The following SEC24C variants were observed in gnomAD, a reference collection of about 807,000 sequenced individuals.
The protein encoded by SEC24C is SEC24 homolog C, COPII component, also known as protein transport protein Sec24C.
In SEC24C, 22 loss-of-function variants were observed where a neutral mutation model predicts 117.0. The ratio of observed to expected loss-of-function variants is 0.19; its 90% confidence interval spans 0.13 to 0.27. The LOEUF (loss-of-function observed/expected upper bound fraction) is 0.27, where lower values mean the gene tolerates loss of function less well. SEC24C is among the 10% of genes least tolerant of loss of function. SEC24C has a pLI of 1.00. For missense variants in SEC24C, 1,155 were observed against 1,375.1 expected, an observed-to-expected ratio of 0.84 and a Z score of 2.53; for synonymous variants, 506 against 529.4, an observed-to-expected ratio of 0.96 and a Z score of 0.61.
rs1454474743 is a variant in SEC24C, at chr10:73,766,838, A to G, written c.1878A>G (p.Gly626=). The G allele has an allele frequency of 1.9e-6, 3 of 1,613,952 alleles. No individual in the cohort carries two copies. The highest frequency in any genetic ancestry group is 4.5e-5 in the East Asian group (2 of 44,896). ...ETVFVPVIQA[G]MEALKAAECA... is the part of the protein sequence containing the mutation. ...TATTTGTACCAGTTATCCAGGCTGG[A>G]ATGGAGGCTCTGAAGGTAAGGCTGG... The change falls in exon 13 of 23, where the codon GGA becomes GGG. Residue 626 remains glycine (G), a synonymous_variant. Transcript: ENST00000345254.
At chr10:73,763,283 G>T (rs1328586657) in intron 6 of SEC24C, among the ~76,000 whole-genome samples, 1 of 152,230 alleles carries the variant, frequency 6.6e-6, no homozygotes, top group Non-Finnish European at 1.5e-5. Flanking sequence ...AGGCTGCTGG[G>T]AGTGAAAGAT....
At chr10:73,770,832 T>C in intron 22 of SEC24C, 34 bp downstream of exon 22, 1 of 1,612,970 alleles carries the variant, frequency 6.2e-7, no homozygotes, top group South Asian at 1.1e-5. Flanking sequence ...TTTCTTACCT[T>C]GTCAAGTCCT....
At position 73,763,585 on chromosome 10, in the gene SEC24C, C is replaced by G; in HGVS notation, c.1083C>G (p.Phe361Leu). ...GQVPPLVTTNFLVKDQGNASP... is the reference protein window; with the variant it reads ...GQVPPLVTTNLLVKDQGNASP... The stretch of plus-strand genomic sequence containing the variant: ...TGCCACCCTTAGTCACTACCAACTT[C>G]CTGGTGAAAGACCAAGGTGAGAATG... The change falls in exon 7 of 23, where the codon TTC (phenylalanine) becomes TTG (leucine). Residue 361 changes from phenylalanine to leucine, a missense_variant. Phe to Leu is a conservative substitution (Grantham distance 22). Transcript: ENST00000345254. 1 of 1,586,552 alleles carries G rather than the reference C, an allele frequency of 6.3e-7. No individual in the cohort carries two copies. Among genetic ancestry groups the G allele is most frequent in the East Asian group, 2.3e-5 (1 of 44,012 alleles).
Position 73,765,586 on chromosome 10 carries a change from G to A in SEC24C, c.1363G>A (p.Asp455Asn), listed in dbSNP as rs1213232315. The A allele has an allele frequency of 1.9e-6, 3 of 1,613,596 alleles. No individual in the cohort carries two copies. The highest frequency in any genetic ancestry group is 2.5e-6 in the Non-Finnish European group (3 of 1,179,480). ...GTGCTGTTTTTGCAGCTGTATCAATGATGGTATGTTCATGGAAGCTGGGAT... is the reference window on the plus strand; with the variant it reads ...GTGCTGTTTTTGCAGCTGTATCAATAATGGTATGTTCATGGAAGCTGGGAT... ...FQCCFCSCIN[D>N]VPPQYFQHLD... Residue 455 changes from aspartate (D) to asparagine (N), a missense_variant, in exon 9 of 23, where the codon GAT becomes AAT. Asp to Asn is a conservative substitution (Grantham distance 23). Transcript: ENST00000345254.
rs946867675 is a variant in SEC24C at position 73,771,980 on chromosome 10, G to A, written c.*885G>A. ...CTTGGGCTTTGGTATTGACTGAGTG[G>A]CTGACAGTTATCTTCCAACCCCAAC... is the stretch of plus-strand genomic sequence containing the variant. On this transcript the variant is annotated 3_prime_UTR_variant, in exon 23 of 23. Coordinates refer to ENST00000345254, the MANE Select transcript of SEC24C (RefSeq NM_198597.3). 10 of 231,466 alleles carry A rather than the reference G, an allele frequency of 4.3e-5. No individual in the cohort carries two copies. The highest frequency in any genetic ancestry group is 2.3e-4 in the Admixed American group (4 of 17,422). 14.3% of individuals were successfully genotyped at this position (231,466 alleles called of 1,614,324 possible). A position where few individuals can be genotyped will look rare whatever the true frequency, so the allele number is the denominator to read the frequency against.
rs966286778 is a variant in SEC24C at position 73,769,229 on chromosome 10, A to G, written c.2424+77A>G. ...AGAAGAGGGTGAGGAATGGGTAGAG[A>G]GCACTAAAAGAAGAGACAGGGCACG... On this transcript the variant is annotated intron_variant, in intron 17 of 22. Transcript: ENST00000345254. This position sits in a 1 kb window ranked among gnomAD's most constrained non-coding sequence, Gnocchi z 4.5. 5.0e-6 allele frequency: 8 copies of G among 1,591,856 alleles called. No individual in the cohort carries two copies. In the African/African-American group the frequency reaches 9.4e-5, roughly 19 times the overall value.
In SEC24C at chr10:73,768,326, G is replaced by A. The variant is rs372902463; in HGVS notation, c.2181+319G>A. ...CGGGAGGTGGAGGTTGTGGTGAGCCGAGATTGCGCCACTGCACTCCAGCCA... is the reference window on the plus strand; with the variant it reads ...CGGGAGGTGGAGGTTGTGGTGAGCCAAGATTGCGCCACTGCACTCCAGCCA... On this transcript the variant is annotated intron_variant, in intron 15 of 22. Coordinates refer to ENST00000345254, the MANE Select transcript of SEC24C (RefSeq NM_198597.3). 2.4e-4 allele frequency among the ~76,000 whole-genome samples: 36 copies of A among 152,264 alleles called. No individual in the cohort carries two copies. The East Asian group carries it at 2.5e-3, about 11-fold the overall frequency.
chr10:73,764,385 G>A (rs2082847618), intron 8 of SEC24C, among the ~76,000 whole-genome samples: 1 of 152,102 alleles, frequency 6.6e-6, no homozygotes. Flanking sequence ...TTAGCCGGGC[G>A]TGGTGGCGGG....
chr10:73,746,297 G>T (rs1202437389), intron 1 of SEC24C, among the ~76,000 whole-genome samples: 2 of 151,740 alleles, frequency 1.3e-5, no homozygotes, highest in African/African-American at 4.8e-5. Context: ...CCTAAATTTT[G>T]TCATTGAGGG....
intron 1 of SEC24C, among the ~76,000 whole-genome samples, chr10:73,745,891 G>A (rs1336351985): frequency 6.6e-6 from 1 of 152,004 alleles, no homozygotes; most frequent in Non-Finnish European, 1.5e-5. Context: ...GCCGGGCGTG[G>A]TGGCTCACAC....
intron 3 of SEC24C, among the ~76,000 whole-genome samples, chr10:73,758,616 A>G (rs1472034305): frequency 6.6e-6 from 1 of 152,236 alleles, no homozygotes. Context: ...CTGTCTCTAA[A>G]GATTTCCCTA....
intron 3 of SEC24C, among the ~76,000 whole-genome samples, chr10:73,758,189 C>T (rs994119438): frequency 4.7e-5 from 7 of 150,374 alleles, no homozygotes; most frequent in Admixed American, 2.0e-4. Context: ...GGGCCAAGAT[C>T]GCACCACTGC....
Position 73,769,932 on chromosome 10 carries a change from G to T in SEC24C, c.2779G>T (p.Asp927Tyr). ...LQPGAEVTTD[D>Y]RAYVRQLVTS... ...GCCTGGAGCTGAAGTCACTACTGAT[G>T]ACCGTGCCTATGTCCGACAGCTAGT... Residue 927 changes from aspartate to tyrosine, a missense_variant, in exon 20 of 23, where the codon GAC becomes TAC. Asp to Tyr is a radical substitution (Grantham distance 160). Transcript: ENST00000345254. The surrounding 1 kb of genome is among the most constrained non-coding windows in gnomAD (Gnocchi z 4.5). 1 of 1,614,136 alleles carries T rather than the reference G, an allele frequency of 6.2e-7. No homozygotes were observed. Among genetic ancestry groups the T allele is most frequent in the South Asian group, 1.1e-5 (1 of 91,066 alleles).
At position 73,769,121 on chromosome 10, in the gene SEC24C, G is replaced by A. The variant is rs748292596; in HGVS notation, c.2393G>A (p.Arg798Gln). Reference protein sequence around the residue: ...TVTVEFKHDDRLNEESGALLQ... With the variant: ...TVTVEFKHDDQLNEESGALLQ... ...ACTGTGGAGTTCAAGCATGACGATC[G>A]GCTCAATGAAGAGAGCGGAGCTCTC... Residue 798 changes from arginine (R) to glutamine (Q), a missense_variant, in exon 17 of 23, where the codon CGG becomes CAG. By Grantham distance (43) the Arg-to-Gln change is conservative. This residue lies in a region of SEC24C where 759 missense variants were observed against 992.3 expected (regional missense o/e 0.76). Transcript: ENST00000345254. This position sits in a 1 kb window ranked among gnomAD's most constrained non-coding sequence, Gnocchi z 4.5. The A allele has an allele frequency of 4.8e-5, 78 of 1,614,048 alleles. No homozygotes were observed. The highest frequency in any genetic ancestry group is 6.3e-5 in the Non-Finnish European group (74 of 1,180,020).
intron 3 of SEC24C, among the ~76,000 whole-genome samples, chr10:73,758,851 TTGTGTGTG>T (rs111974775): frequency 6.6e-6 from 1 of 150,450 alleles, no homozygotes; most frequent in Non-Finnish European, 1.5e-5. Flanking sequence ...TAGTTGGTTT[TTGTGTGTG>T]TGTGTGTGTG....
chr10:73,764,175 C>G (rs1020567262), intron 8 of SEC24C, among the ~76,000 whole-genome samples, 192 bp downstream of exon 8: 3 of 152,042 alleles, frequency 2.0e-5, no homozygotes, highest in Non-Finnish European at 4.4e-5. Context: ...AGAGCAAAAG[C>G]CCAAGACATT....
chr10:73,755,682 A>G (rs1445019985), intron 3 of SEC24C, among the ~76,000 whole-genome samples: 9 of 145,912 alleles, frequency 6.2e-5, no homozygotes, highest in Admixed American at 4.8e-4. Flanking sequence ...CCGTCTCAGG[A>G]AAAAAAAAAA....
At chr10:73,746,595 G>T in intron 1 of SEC24C, 1 of 428,922 alleles carries the variant, frequency 2.3e-6, no homozygotes, top group Non-Finnish European at 4.1e-6. Context: ...GTGACAAAGG[G>T]TGGATGGTCA....
In SEC24C at chr10:73,769,939, C is replaced by G; in HGVS notation, c.2786C>G (p.Ala929Gly). ...PGAEVTTDDR[A>G]YVRQLVTSMD... is the part of the protein sequence containing the mutation. ...GCTGAAGTCACTACTGATGACCGTG[C>G]CTATGTCCGACAGCTAGTTACCTCC... The change falls in exon 20 of 23, where the codon GCC becomes GGC. Residue 929 changes from alanine to glycine, a missense_variant. This residue lies in a region of SEC24C where 759 missense variants were observed against 992.3 expected (regional missense o/e 0.76). Coordinates refer to ENST00000345254, the MANE Select transcript of SEC24C (RefSeq NM_198597.3). This position sits in a 1 kb window ranked among gnomAD's most constrained non-coding sequence, Gnocchi z 4.5. 1 of 1,614,104 alleles carries G rather than the reference C, an allele frequency of 6.2e-7. No individual in the cohort carries two copies. The highest frequency in any genetic ancestry group is 8.5e-7 in the Non-Finnish European group (1 of 1,179,986).
Sources: allele counts gnomAD v4.1 joint callset (sites outside exome capture counted in the v4.1 genomes callset), GRCh38; gene constraint gnomAD v4.1.1; regional missense constraint gnomAD v4.1.1; non-coding constraint Gnocchi (gnomAD v3.1); transcripts MANE v1.5; gene names NCBI Gene and HGNC (gene_info 2026-07-23, HGNC 2026-07-21).